FAM161A: variants seen among roughly 807,000 people sequenced by gnomAD.
The protein encoded by FAM161A is protein FAM161A.
Under a neutral mutation model 70.9 loss-of-function variants are expected in FAM161A, and 57 were observed. The observed-to-expected ratio is 0.80, with a 90% confidence interval of 0.65 to 1.00. The LOEUF (loss-of-function observed/expected upper bound fraction) is 1.00. Among genes scored for constraint, FAM161A ranks in the 50% least tolerant of loss-of-function variants. The pLI is 0.00. For synonymous variants in FAM161A, 299 were observed against 295.7 expected (o/e 1.01, Z -0.12); for missense variants, 880 against 836.0 (o/e 1.05, Z -0.65).
In FAM161A at chr2:61,853,891, C is replaced by G. The variant is rs779712026; in HGVS notation, c.151G>C (p.Glu51Gln). The change falls in exon 1 of 7, where the codon GAG becomes CAG. Residue 51 changes from glutamate to glutamine, a missense_variant. Coordinates refer to ENST00000404929, the MANE Select transcript of FAM161A (RefSeq NM_001201543.2). Reference protein sequence around the residue: ...AAEAILEDEEEEKVAQPAGAS... With the variant: ...AAEAILEDEEQEKVAQPAGAS... ...CCAGCGGGCTGAGCCACTTTCTCCT[C>G]CTCTTCGTCCTCCAAGATCGCCTCC... 1 of 1,613,952 alleles carries G rather than the reference C, an allele frequency of 6.2e-7. No individual in the cohort carries two copies. The highest frequency in any genetic ancestry group is 8.5e-7 in the Non-Finnish European group (1 of 1,179,828).
chr2:61,808,975 C>T, the FAM161A span, among the ~76,000 whole-genome samples: 3 of 152,024 alleles, frequency 2.0e-5, no homozygotes, highest in East Asian at 3.9e-4. Context: ...CAGGTTCAAG[C>T]GACTGTCCTG....
chr2:61,838,467 A>G, intron 4 of FAM161A, 71 bp downstream of exon 4: 1 of 1,272,202 alleles, frequency 7.9e-7, no homozygotes, highest in East Asian at 2.3e-5. Context: ...CTCATATTTT[A>G]CTATCTACTG....
At chr2:61,812,686 C>A in the FAM161A span, among the ~76,000 whole-genome samples, 1 of 152,116 alleles carries the variant, frequency 6.6e-6, no homozygotes, top group Non-Finnish European at 1.5e-5. Flanking sequence ...TGTGCCATTA[C>A]ACTCTACCCT....
the FAM161A span, among the ~76,000 whole-genome samples, chr2:61,818,950 A>G: frequency 6.6e-6 from 1 of 152,218 alleles, no homozygotes; most frequent in Non-Finnish European, 1.5e-5. Flanking sequence ...TTTAGTGTCA[A>G]TAATAATGCA....
In FAM161A at chr2:61,826,167, A is replaced by G. The variant is rs1193595120; in HGVS notation, c.*288T>C. ...AATTAATGAAATAATGTATATTTTT[A>G]TAACTAATCAGTTTGTGACAGCTGT... On this transcript the variant is annotated 3_prime_UTR_variant, in exon 7 of 7. Coordinates refer to ENST00000404929, the MANE Select transcript of FAM161A (RefSeq NM_001201543.2). The G allele has an allele frequency of 1.8e-6, 1 of 555,966 alleles. No individual in the cohort carries two copies. The highest frequency in any genetic ancestry group is 2.2e-5 in the Admixed American group (1 of 45,750). 34.4% of individuals were successfully genotyped at this position (555,966 alleles called of 1,614,324 possible). A position where few individuals can be genotyped will look rare whatever the true frequency, so the allele number is the denominator to read the frequency against.
intron 5 of FAM161A, among the ~76,000 whole-genome samples, chr2:61,833,260 T>C (rs1016972505): frequency 6.6e-6 from 1 of 151,438 alleles, no homozygotes; most frequent in Non-Finnish European, 1.5e-5. Context: ...TCGTCTCTAC[T>C]AAAAAATACA....
the FAM161A span, among the ~76,000 whole-genome samples, chr2:61,807,129 G>C: frequency 1.3e-5 from 2 of 152,102 alleles, no homozygotes; most frequent in African/African-American, 4.8e-5. Flanking sequence ...AGAGACAAAG[G>C]TGTGTTCTTT....
the FAM161A span, among the ~76,000 whole-genome samples, chr2:61,816,493 C>T: frequency 6.6e-6 from 1 of 152,044 alleles, no homozygotes; most frequent in African/African-American, 2.4e-5. Context: ...CAGGGTCTTG[C>T]TCTGTCGCCC....
intron 5 of FAM161A, chr2:61,835,731 C>T: frequency 5.8e-6 from 2 of 344,456 alleles, no homozygotes; most frequent in South Asian, 4.8e-5. Context: ...GGTCTTGCTA[C>T]GTTGCACAGG....
chr2:61,833,781 T>C (rs1418011582), intron 5 of FAM161A, among the ~76,000 whole-genome samples: 6 of 152,056 alleles, frequency 3.9e-5, no homozygotes, highest in Non-Finnish European at 5.9e-5. Flanking sequence ...TGTAATCCCA[T>C]CAACTTGGGA....
At chr2:61,824,670 C>G (rs1672285401), downstream of FAM161A, among the ~76,000 whole-genome samples, 1 of 152,120 alleles carries the variant, frequency 6.6e-6, no homozygotes, top group Admixed American at 6.6e-5. Flanking sequence ...AGCCCACACT[C>G]TCCTCATGAA....
intron 5 of FAM161A, among the ~76,000 whole-genome samples, chr2:61,829,945 T>A (rs1469741129): frequency 6.6e-6 from 1 of 151,916 alleles, no homozygotes; most frequent in African/African-American, 2.4e-5. Context: ...GCAGCAATAG[T>A]TCCAGCAAAA....
At chr2:61,806,449 T>C in the FAM161A span, among the ~76,000 whole-genome samples, 1 of 152,120 alleles carries the variant, frequency 6.6e-6, no homozygotes, top group Admixed American at 6.6e-5. Context: ...TTGTGAGATA[T>C]TCATTTTAAA....
At chr2:61,834,658 T>A (rs1164791695) in intron 5 of FAM161A, among the ~76,000 whole-genome samples, 2 of 152,058 alleles carry the variant, frequency 1.3e-5, no homozygotes, top group Non-Finnish European at 2.9e-5. Flanking sequence ...AGACAAGGTT[T>A]CACCATGTTG....
chr2:61,825,444 T>C lies in FAM161A; in HGVS notation c.*1011A>G, dbSNP rs1672317163. On this transcript the variant is annotated 3_prime_UTR_variant, in exon 7 of 7. Coordinates refer to ENST00000404929, the MANE Select transcript of FAM161A (RefSeq NM_001201543.2). ...TTTAGATTATAACTCACACATGCCA[T>C]AATTACTTCCATCTGTAATAATACA... 2.2e-6 allele frequency: 1 copy of C among 454,032 alleles called. No homozygotes were observed. The highest frequency in any genetic ancestry group is 2.4e-5 in the Admixed American group (1 of 42,526). The allele number at this position is 454,032 out of a possible 1,614,324, so 28.1% of individuals were successfully genotyped here. A position where few individuals can be genotyped will look rare whatever the true frequency, so the allele number is the denominator to read the frequency against.
At chr2:61,804,816 A>G in the FAM161A span, among the ~76,000 whole-genome samples, 2 of 144,260 alleles carry the variant, frequency 1.4e-5, no homozygotes, top group African/African-American at 5.1e-5. Flanking sequence ...GAAAGAAAGA[A>G]AGAGAAAGAG....
intron 1 of FAM161A, among the ~76,000 whole-genome samples, chr2:61,845,439 G>A (rs1316098820): frequency 1.3e-5 from 2 of 152,196 alleles, no homozygotes; most frequent in Non-Finnish European, 2.9e-5. Flanking sequence ...AGGAGCCAGT[G>A]GTAGACAGGA....
chr2:61,800,530 A>G, the FAM161A span, among the ~76,000 whole-genome samples: 1 of 152,164 alleles, frequency 6.6e-6, no homozygotes, highest in Non-Finnish European at 1.5e-5. Flanking sequence ...CGTGTCCATG[A>G]GTCAGGCAGG....
At chr2:61,803,252 C>G in the FAM161A span, 996 of 616,808 alleles carry the variant, frequency 1.6e-3, 8 homozygotes, top group African/African-American at 0.015. Flanking sequence ...TTTGTATTTG[C>G]ATTCAGAACT....
Sources: allele counts gnomAD v4.1 joint callset (sites outside exome capture counted in the v4.1 genomes callset), GRCh38; gene constraint gnomAD v4.1.1; transcripts MANE v1.5; gene names NCBI Gene and HGNC (gene_info 2026-07-23, HGNC 2026-07-21).